TRPV3: variants seen among roughly 807,000 people sequenced by gnomAD.
The protein encoded by TRPV3 is VRL-3.
Under a neutral mutation model 87.1 loss-of-function variants are expected in TRPV3, and 88 were observed. That is an observed-to-expected ratio of 1.01 (90% CI 0.85 to 1.21). The LOEUF is 1.21. Ranked by LOEUF, TRPV3 falls within the 50% of genes most tolerant of loss-of-function variation. TRPV3 has a pLI of 0.00. For missense variants in TRPV3, 1,054 were observed against 1,030.1 expected, an observed-to-expected ratio of 1.02 and a Z score of -0.32; for synonymous variants, 438 against 423.3, an observed-to-expected ratio of 1.03 and a Z score of -0.43.
intron 9 of TRPV3, 54 bp from the exon 10 acceptor site, chr17:3,529,049 C>G: frequency 6.2e-7 from 1 of 1,605,438 alleles, no homozygotes; most frequent in South Asian, 1.1e-5. Flanking sequence ...AGGGAGGGAC[C>G]GTTTTCTAAA....
chr17:3,512,225 C>T lies in TRPV3; in HGVS notation c.*1692G>A, dbSNP rs965318644. On this transcript the variant is annotated 3_prime_UTR_variant, in exon 18 of 18. Coordinates refer to ENST00000576742, the MANE Select transcript of TRPV3 (RefSeq NM_145068.4). Reference sequence around the variant, plus strand: ...GACAGTTCTCCTCAAATCTTCTCTTCTCCAGAGGCCCATGCCCAGCCCCGA... The same window carrying T: ...GACAGTTCTCCTCAAATCTTCTCTTTTCCAGAGGCCCATGCCCAGCCCCGA... 1.3e-5 allele frequency: 2 copies of T among 152,302 alleles called. No individual in the cohort carries two copies. Among genetic ancestry groups the T allele is most frequent in the African/African-American group, 4.8e-5 (2 of 41,454 alleles). The allele number at this position is 152,302 out of a possible 1,614,324, so 9.4% of individuals were successfully genotyped here. A position where few individuals can be genotyped will look rare whatever the true frequency, so the allele number is the denominator to read the frequency against.
Position 3,542,653 on chromosome 17 carries a change from C to T in TRPV3, c.512G>A (p.Cys171Tyr). 6.2e-7 allele frequency: 1 copy of T among 1,614,122 alleles called. No homozygotes were observed. The highest frequency in any genetic ancestry group is 8.5e-7 in the Non-Finnish European group (1 of 1,180,006). ...GATGTTTAACAAGGCCTTCATCAGG[C>T]AGGTCTTCCCCGTGTCGGAGGCCGT... ...KLTASDTGKTCLMKALLNINP... is the reference protein window; with the variant it reads ...KLTASDTGKTYLMKALLNINP... The change falls in exon 6 of 18, where the codon TGC becomes TAC. Residue 171 changes from cysteine (C) to tyrosine (Y), a missense_variant. Transcript: ENST00000576742.
At position 3,528,003 on chromosome 17, in the gene TRPV3, A is replaced by T. The variant is rs1475572966; in HGVS notation, c.1503+22T>A. On this transcript the variant is annotated intron_variant, in intron 11 of 17. Coordinates refer to ENST00000576742, the MANE Select transcript of TRPV3 (RefSeq NM_145068.4). This position sits in a 1 kb window ranked among gnomAD's most constrained non-coding sequence, Gnocchi z 4.2. ...CTGCCTGCCTCGCGGGGCGGTCTGG[A>T]AGGGCCGGGTGGCCCACTTACCTCT... The T allele has an allele frequency of 6.3e-7, 1 of 1,588,150 alleles. No individual in the cohort carries two copies.
intron 6 of TRPV3, among the ~76,000 whole-genome samples, chr17:3,540,903 C>T (rs1456218322): frequency 2.0e-5 from 3 of 152,158 alleles, no homozygotes; most frequent in Non-Finnish European, 2.9e-5. Flanking sequence ...AACAGTCTTC[C>T]CTAGGTTTCC....
At chr17:3,522,710 A>G (rs183021497) in intron 13 of TRPV3, among the ~76,000 whole-genome samples, 9 of 151,538 alleles carry the variant, frequency 5.9e-5, no homozygotes, top group Non-Finnish European at 1.2e-4. Flanking sequence ...CCAGCTACTC[A>G]GGAGGCTGGG....
chr17:3,545,749 C>T (rs1168937231), intron 2 of TRPV3, among the ~76,000 whole-genome samples: 8 of 149,724 alleles, frequency 5.3e-5, no homozygotes, highest in East Asian at 2.0e-4. Flanking sequence ...GAGGCTGAGG[C>T]GGGCAGATCA....
At position 3,524,350 on chromosome 17, in the gene TRPV3, C is replaced by G; in HGVS notation, c.1591G>C (p.Val531Leu). ...AAGAAGACAGACAGTATCACAAGCA[C>G]AGCTTGGATAAAACTGTTCAGGAGA... The part of the protein sequence containing the change: ...WFHFVFFIQA[V>L]LVILSVFLYL... The change falls in exon 13 of 18, where the codon GTG (valine) becomes CTG (leucine). Residue 531 changes from valine to leucine, a missense_variant. By Grantham distance (32) the Val-to-Leu change is conservative. Coordinates refer to ENST00000576742, the MANE Select transcript of TRPV3 (RefSeq NM_145068.4). 1 of 1,614,234 alleles carries G rather than the reference C, an allele frequency of 6.2e-7. No homozygotes were observed. The highest frequency in any genetic ancestry group is 1.1e-5 in the South Asian group (1 of 91,082).
intron 6 of TRPV3, among the ~76,000 whole-genome samples, chr17:3,540,735 T>G (rs1410875594): frequency 6.6e-6 from 1 of 152,102 alleles, no homozygotes; most frequent in Non-Finnish European, 1.5e-5. Flanking sequence ...AAAGGGAAAA[T>G]TAGGACAAGC....
intron 2 of TRPV3, among the ~76,000 whole-genome samples, chr17:3,551,867 A>ATTTTT (rs2074577917): frequency 2.1e-4 from 5 of 23,992 alleles, no homozygotes; most frequent in Non-Finnish European, 4.8e-4. Flanking sequence ...CCTGTAATTT[A>ATTTTT]TTCTTTTTTT....
At chr17:3,545,411 C>G (rs1365468657) in intron 2 of TRPV3, 140 bp from the exon 3 acceptor site, 1 of 589,710 alleles carries the variant, frequency 1.7e-6, no homozygotes, top group Non-Finnish European at 3.0e-6. Context: ...CCTTGCCCAG[C>G]CCTCCCGGGA....
intron 16 of TRPV3, among the ~76,000 whole-genome samples, chr17:3,515,173 C>T (rs1291051403): frequency 6.6e-6 from 1 of 152,172 alleles, no homozygotes; most frequent in African/African-American, 2.4e-5. Flanking sequence ...AATTCACACC[C>T]AGAGAACATC....
chr17:3,530,398 C>CGGTT lies in TRPV3; in HGVS notation c.1066-196_1066-195insAACC. On this transcript the variant is annotated intron_variant, in intron 8 of 17. Coordinates refer to ENST00000576742, the MANE Select transcript of TRPV3 (RefSeq NM_145068.4). The surrounding 1 kb of genome is among the most constrained non-coding windows in gnomAD (Gnocchi z 4.0). ...ATGCGCACAAAGCTTGCTGTTCCGC[C>CGGTT]CATCTCACTGGGGGTTGTGAATACC... The CGGTT allele has an allele frequency of 4.6e-6, 2 of 436,160 alleles. No homozygotes were observed. Among genetic ancestry groups the CGGTT allele is most frequent in the Non-Finnish European group, 7.6e-6 (2 of 261,584 alleles). 27.0% of individuals were successfully genotyped at this position (436,160 alleles called of 1,614,324 possible). A position where few individuals can be genotyped will look rare whatever the true frequency, so the allele number is the denominator to read the frequency against.
Position 3,544,766 on chromosome 17 carries a change from G to A in TRPV3, c.225-101C>T, listed in dbSNP as rs557843642. 2.5e-5 allele frequency: 20 copies of A among 803,964 alleles called. No homozygotes were observed. The African/African-American group carries it at 2.6e-4, about 10-fold the overall frequency. 49.8% of individuals were successfully genotyped at this position (803,964 alleles called of 1,614,324 possible). ...AATCCCAGCACTTTGGGAGGCCGAGGCAGGTGGATCACTTGAGGTCAGGAG... is the reference window on the plus strand; with the variant it reads ...AATCCCAGCACTTTGGGAGGCCGAGACAGGTGGATCACTTGAGGTCAGGAG... On this transcript the variant is annotated intron_variant, in intron 3 of 17. Transcript: ENST00000576742.
rs2074639156 is a variant in TRPV3, at chr17:3,557,027, C to T, written c.-3+649G>A. Among the ~76,000 whole-genome samples the T allele has an allele frequency of 6.6e-6, 1 of 152,100 alleles. No homozygotes were observed. Among genetic ancestry groups the T allele is most frequent in the African/African-American group, 2.4e-5 (1 of 41,414 alleles). ...CTCTTCTCTGGGCCCGAGAATGTGG[C>T]CTGCCCTGGGCCTCTGGGGCAGGAG... On this transcript the variant is annotated intron_variant, in intron 1 of 17. Transcript: ENST00000576742. The surrounding 1 kb of genome is among the most constrained non-coding windows in gnomAD (Gnocchi z 4.5).
intron 2 of TRPV3, among the ~76,000 whole-genome samples, chr17:3,546,432 ACT>A (rs34223256): frequency 0.31 from 46,291 of 151,414 alleles, 7,591 homozygotes; most frequent in Middle Eastern, 0.39. Flanking sequence ...ACAGAGCGAG[ACT>A]CTATCTCAAA....
At chr17:3,543,697 C>G in intron 4 of TRPV3, 69 bp from the exon 5 acceptor site, 5 of 1,588,790 alleles carry the variant, frequency 3.1e-6, no homozygotes, top group Non-Finnish European at 4.3e-6. Context: ...TTTTCCCCGC[C>G]AGAGCTGCCT....
At chr17:3,527,955 C>A in intron 11 of TRPV3, 70 bp downstream of exon 11, 2 of 1,193,326 alleles carry the variant, frequency 1.7e-6, no homozygotes, top group Non-Finnish European at 1.2e-6. Flanking sequence ...AATGGCAGAG[C>A]AGAGAGGGAT....
Position 3,530,793 on chromosome 17 carries a change from C to T in TRPV3, c.1066-590G>A, listed in dbSNP as rs988686411. Among the ~76,000 whole-genome samples, 1 of 152,068 alleles carries T rather than the reference C, an allele frequency of 6.6e-6. No homozygotes were observed. The highest frequency in any genetic ancestry group is 2.4e-5 in the African/African-American group (1 of 41,390). On this transcript the variant is annotated intron_variant, in intron 8 of 17. Transcript: ENST00000576742. The surrounding 1 kb of genome is among the most constrained non-coding windows in gnomAD (Gnocchi z 4.0). ...CAGCATGGCCAGGTGCAGTAGCTCA[C>T]GCCTGTAATCCCAGCACTTTGGGAG...
In TRPV3 at chr17:3,528,435, C is replaced by T. The variant is rs575405021; in HGVS notation, c.1402-309G>A. On this transcript the variant is annotated intron_variant, in intron 10 of 17. Coordinates refer to ENST00000576742, the MANE Select transcript of TRPV3 (RefSeq NM_145068.4). The surrounding 1 kb of genome is among the most constrained non-coding windows in gnomAD (Gnocchi z 4.2). ...GGCACTCAACATGGCCTCACAGCAC[C>T]GTTAAATAAAGCCGAGGCTCTGTGC... Among the ~76,000 whole-genome samples, 6 of 152,134 alleles carry T rather than the reference C, an allele frequency of 3.9e-5. No individual in the cohort carries two copies. The South Asian group carries it at 6.2e-4, about 16-fold the overall frequency.
Sources: gnomAD v4.1 joint callset for allele counts (sites outside exome capture counted in the v4.1 genomes callset) on GRCh38, gnomAD v4.1.1 for gene constraint, Gnocchi (gnomAD v3.1) non-coding constraint, MANE v1.5 for transcripts, NCBI Gene and HGNC (gene_info 2026-07-23, HGNC 2026-07-21) for gene names.